Variants in YTHDC2 observed in about 807,000 individuals in gnomAD.
YTHDC2 encodes 3'-5' RNA helicase YTHDC2.
YTHDC2 carries 45 observed loss-of-function variants against 174.9 expected under a neutral mutation model. The ratio of observed to expected loss-of-function variants is 0.26; its 90% CI spans 0.20 to 0.33. The LOEUF (loss-of-function observed/expected upper bound fraction) is 0.33. YTHDC2 is among the 10% of genes least tolerant of loss of function. The pLI is 1.00. For missense variants in YTHDC2, 1,650 were observed against 1,723.7 expected, an observed-to-expected ratio of 0.96 and a Z score of 0.76; for synonymous variants, 657 against 574.5, an observed-to-expected ratio of 1.14 and a Z score of -2.05.
intron 7 of YTHDC2, 91 bp downstream of exon 7, chr5:113,535,889 A>C (rs1302412075): frequency 9.2e-6 from 10 of 1,088,594 alleles, no homozygotes; most frequent in Admixed American, 3.0e-5. Flanking sequence ...GAATGTTCTG[A>C]AGTAGAGGCC....
At chr5:113,521,241 C>A (rs1015282107) in intron 2 of YTHDC2, among the ~76,000 whole-genome samples, 2 of 152,076 alleles carry the variant, frequency 1.3e-5, no homozygotes, top group Non-Finnish European at 2.9e-5. Flanking sequence ...GCAATTAAAG[C>A]CTAGAGATGT....
intron 23 of YTHDC2, among the ~76,000 whole-genome samples, chr5:113,569,341 AG>A (rs1384191852): frequency 2.6e-5 from 4 of 152,162 alleles, no homozygotes; most frequent in African/African-American, 9.6e-5. Context: ...CAGAAACTTT[AG>A]TTTAATTAGA....
Position 113,573,138 on chromosome 5 carries a change from C to G in YTHDC2, c.3244+5289C>G, listed in dbSNP as rs151212799. Among the ~76,000 whole-genome samples the G allele has an allele frequency of 3.0e-3, 460 of 152,214 alleles. 3 individuals are homozygous for G. The highest frequency in any genetic ancestry group is 0.01 in the African/African-American group (427 of 41,516). On this transcript the variant is annotated intron_variant, in intron 23 of 29. Transcript: ENST00000161863. ...TCCCTTTCATATTTAGTGCTTCCTT[C>G]AGGAGCTCTTGCAAGGCAGGCCTGG...
intron 4 of YTHDC2, among the ~76,000 whole-genome samples, chr5:113,529,435 A>G (rs528483090): frequency 3.3e-5 from 5 of 152,294 alleles, no homozygotes; most frequent in African/African-American, 1.2e-4. Flanking sequence ...GCAGTTAAAA[A>G]TTTTGATAGC....
At chr5:113,568,774 T>C (rs757031979) in intron 23 of YTHDC2, among the ~76,000 whole-genome samples, 4 of 152,188 alleles carry the variant, frequency 2.6e-5, no homozygotes, top group Non-Finnish European at 4.4e-5. Flanking sequence ...TAGCCTACCA[T>C]TGATGGGCAT....
intron 23 of YTHDC2, among the ~76,000 whole-genome samples, chr5:113,570,456 T>G (rs1777644219): frequency 6.6e-6 from 1 of 152,122 alleles, no homozygotes. Flanking sequence ...CATTCATGAT[T>G]TGGCTCTCTG....
chr5:113,539,153 G>A lies in YTHDC2; in HGVS notation c.1182G>A (p.Met394Ile), dbSNP rs755810641. 9 of 1,388,408 alleles carry A rather than the reference G, an allele frequency of 6.5e-6. No homozygotes were observed. Among genetic ancestry groups the A allele is most frequent in the South Asian group, 1.5e-5 (1 of 67,170 alleles). The allele number at this position is 1,388,408 out of a possible 1,614,324, so 86.0% of individuals were successfully genotyped here. A position where few individuals can be genotyped will look rare whatever the true frequency, so the allele number is the denominator to read the frequency against. ...CAACTGGATATACAAACAAAGAAAT[G>A]TTAAAATATAAAAAGGAAAAACAGC... ...LRTTGYTNKE[M>I]LKYKKEKQQE... The change falls in exon 8 of 30, where the codon ATG (methionine) becomes ATA (isoleucine). Residue 394 changes from methionine (M) to isoleucine (I), a missense_variant. By Grantham distance (10) the Met-to-Ile change is conservative (BLOSUM62 1). Transcript: ENST00000161863.
At chr5:113,534,498 A>C in intron 6 of YTHDC2, 91 bp downstream of exon 6, 1 of 1,106,666 alleles carries the variant, frequency 9.0e-7, no homozygotes. Context: ...AAAAATTTAA[A>C]TACATAATTA....
At chr5:113,569,956 C>T (rs1777605228) in intron 23 of YTHDC2, among the ~76,000 whole-genome samples, 1 of 152,088 alleles carries the variant, frequency 6.6e-6, no homozygotes, top group Non-Finnish European at 1.5e-5. Context: ...ATTGATTGTT[C>T]CTATCCATGA....
chr5:113,515,251 C>CT (rs772191516), intron 1 of YTHDC2, 21 bp from the exon 2 acceptor site: 1 of 1,585,504 alleles, frequency 6.3e-7, no homozygotes, highest in South Asian at 1.2e-5. Context: ...AATTTTACTA[C>CT]TTTGTTTTTT....
rs1779192232 is a variant in YTHDC2 at position 113,595,091 on chromosome 5, T to G, written c.*1617T>G. 6.6e-6 allele frequency: 1 copy of G among 152,136 alleles called. No homozygotes were observed. Among genetic ancestry groups the G allele is most frequent in the African/African-American group, 2.4e-5 (1 of 41,448 alleles). 9.4% of individuals were successfully genotyped at this position (152,136 alleles called of 1,614,324 possible). On this transcript the variant is annotated 3_prime_UTR_variant, in exon 30 of 30. Coordinates refer to ENST00000161863, the MANE Select transcript of YTHDC2 (RefSeq NM_022828.5). The stretch of plus-strand genomic sequence containing the variant: ...ATTTTTTAGGCATGTACTTAATAGT[T>G]CACAATGTTCTAAATTTGGAAGGAC...
intron 4 of YTHDC2, among the ~76,000 whole-genome samples, chr5:113,528,922 AGTG>A (rs1307768785): frequency 1.3e-5 from 2 of 151,970 alleles, no homozygotes; most frequent in East Asian, 3.9e-4. Context: ...TTTTGGTGGT[AGTG>A]GTGGTGGGGG....
chr5:113,584,428 C>T lies in YTHDC2; in HGVS notation c.3774C>T (p.Ser1258=). 1 of 1,613,700 alleles carries T rather than the reference C, an allele frequency of 6.2e-7. No individual in the cohort carries two copies. The highest frequency in any genetic ancestry group is 8.5e-7 in the Non-Finnish European group (1 of 1,179,778). The change falls in exon 26 of 30, where the codon AGC becomes AGT. Residue 1258 remains serine (S), a synonymous_variant. Transcript: ENST00000161863. ...SDQSSLKSTD[S]SSYPSPCASP... ...AGTCTTCTCTGAAATCTACAGACAGCAGTAGTTACCCAAGTCCTTGTGCTA... is the reference window on the plus strand; with the variant it reads ...AGTCTTCTCTGAAATCTACAGACAGTAGTAGTTACCCAAGTCCTTGTGCTA...
chr5:113,575,959 G>C (rs1021936701), intron 23 of YTHDC2, among the ~76,000 whole-genome samples: 6 of 151,506 alleles, frequency 4.0e-5, no homozygotes, highest in African/African-American at 1.5e-4. Context: ...GTAAGGGAAA[G>C]GGAGGAGTCA....
chr5:113,543,160 A>G (rs1346728962), intron 10 of YTHDC2, among the ~76,000 whole-genome samples: 2 of 152,004 alleles, frequency 1.3e-5, no homozygotes, highest in Non-Finnish European at 2.9e-5. Context: ...GACCTCATCT[A>G]CCCCCAGATT....
intron 25 of YTHDC2, 110 bp downstream of exon 25, chr5:113,581,819 C>G (rs981458881): frequency 1.0e-6 from 1 of 955,300 alleles, no homozygotes; most frequent in Admixed American, 3.8e-5. Context: ...TTTTTATAAT[C>G]TAAGATCCAT....
At chr5:113,534,457 T>G in intron 6 of YTHDC2, 50 bp downstream of exon 6, 1 of 1,493,786 alleles carries the variant, frequency 6.7e-7, no homozygotes, top group Non-Finnish European at 9.3e-7. Flanking sequence ...GCTTAAAATT[T>G]AAATACATAT....
At chr5:113,525,793 C>T (rs533958424) in intron 3 of YTHDC2, among the ~76,000 whole-genome samples, 2 of 152,126 alleles carry the variant, frequency 1.3e-5, no homozygotes, top group South Asian at 2.1e-4. Context: ...ATTAAGAAAA[C>T]TATTTATTGC....
chr5:113,557,949 A>G (rs1580577859), intron 17 of YTHDC2, among the ~76,000 whole-genome samples: 1 of 152,254 alleles, frequency 6.6e-6, no homozygotes, highest in African/African-American at 2.4e-5. Flanking sequence ...CCTGATAGGT[A>G]AAGCTGGAGG....
Sources: allele counts gnomAD v4.1 joint callset (sites outside exome capture counted in the v4.1 genomes callset), GRCh38; gene constraint gnomAD v4.1.1; transcripts MANE v1.5; gene names NCBI Gene and HGNC (gene_info 2026-07-23, HGNC 2026-07-21).